Variants in TMEM123 observed in about 807,000 individuals in gnomAD.
The protein encoded by TMEM123 is transmembrane protein 123.
TMEM123 carries 16 observed loss-of-function variants against 19.7 expected under a neutral mutation model. The observed-to-expected ratio is 0.81, with a 90% CI of 0.55 to 1.23. The LOEUF (loss-of-function observed/expected upper bound fraction) is 1.23. TMEM123 is among the 50% of genes most tolerant of loss of function. The pLI is 0.00. For synonymous variants in TMEM123, 118 were observed against 99.4 expected, an observed-to-expected ratio of 1.19 and a Z score of -1.12; for missense variants, 313 against 257.8, an observed-to-expected ratio of 1.21 and a Z score of -1.47.
At chr11:102,406,335 G>A (rs767319477) in intron 2 of TMEM123, among the ~76,000 whole-genome samples, 1 of 152,142 alleles carries the variant, frequency 6.6e-6, no homozygotes, top group African/African-American at 2.4e-5. Context: ...GCCTGGGAAG[G>A]CTTCTAGGGC....
chr11:102,452,549 G>T lies in TMEM123; in HGVS notation c.75C>A (p.Ala25=), dbSNP rs760013198. Residue 25 remains alanine, a synonymous_variant, in exon 1 of 5, where the codon GCC becomes GCA. Transcript: ENST00000398136. ...CCGCCATGGCTGCGCTTTCATGGGC[G>T]GCCCCCAGCAGCGCTAGCACCTGCA... ...GTLQVLALLG[A]AHESAAMAAS... is the part of the protein sequence containing the mutation. 5.4e-5 allele frequency: 85 copies of T among 1,563,434 alleles called. No homozygotes were observed. The highest frequency in any genetic ancestry group is 6.6e-5 in the Non-Finnish European group (76 of 1,158,852).
intron 2 of TMEM123, among the ~76,000 whole-genome samples, chr11:102,427,064 CG>C (rs1952134864): frequency 6.8e-6 from 1 of 147,124 alleles, no homozygotes; most frequent in African/African-American, 2.5e-5. Context: ...TTTTGTTTTG[CG>C]GGTTTTTTTT....
intron 2 of TMEM123, among the ~76,000 whole-genome samples, chr11:102,427,517 C>T (rs534657887): frequency 2.5e-4 from 36 of 141,468 alleles, no homozygotes; most frequent in African/African-American, 9.5e-4. Context: ...GGCACAATCT[C>T]AGCTCACTGC....
At chr11:102,445,320 T>C (rs932017333) in intron 2 of TMEM123, among the ~76,000 whole-genome samples, 1 of 149,938 alleles carries the variant, frequency 6.7e-6, no homozygotes, top group Non-Finnish European at 1.5e-5. Flanking sequence ...AAAACTAGTA[T>C]TGATATCTCT....
intron 2 of TMEM123, among the ~76,000 whole-genome samples, chr11:102,407,213 T>TA (rs1410742778): frequency 5.9e-5 from 9 of 152,258 alleles, no homozygotes; most frequent in Non-Finnish European, 8.8e-5. Flanking sequence ...GCTTTGCCAC[T>TA]GCAAGGCTTC....
intron 1 of TMEM123, among the ~76,000 whole-genome samples, chr11:102,451,579 C>T (rs988793378): frequency 6.6e-6 from 1 of 152,160 alleles, no homozygotes; most frequent in Admixed American, 6.5e-5. Context: ...AACTTAAAAC[C>T]ATGAAAACCT....
intron 2 of TMEM123, among the ~76,000 whole-genome samples, chr11:102,412,843 A>G (rs923574566): frequency 6.6e-6 from 1 of 152,222 alleles, no homozygotes; most frequent in Non-Finnish European, 1.5e-5. Context: ...AGAAATTCAT[A>G]AGGAAATGAC....
chr11:102,442,892 T>C (rs1857842224), intron 2 of TMEM123, among the ~76,000 whole-genome samples: 6 of 152,166 alleles, frequency 3.9e-5, no homozygotes. Flanking sequence ...AGCATTCCTA[T>C]ACACCAATAA....
At chr11:102,422,735 C>T (rs1039811136) in intron 2 of TMEM123, among the ~76,000 whole-genome samples, 3 of 152,124 alleles carry the variant, frequency 2.0e-5, no homozygotes, top group Non-Finnish European at 4.4e-5. Context: ...AATGTATTTG[C>T]TTTTTGCACT....
chr11:102,421,723 G>A (rs1351176148), intron 2 of TMEM123, among the ~76,000 whole-genome samples: 1 of 152,160 alleles, frequency 6.6e-6, no homozygotes, highest in Non-Finnish European at 1.5e-5. Context: ...ATTGTTTAAT[G>A]TTAGTAATGG....
chr11:102,415,090 A>G (rs1290906792), intron 2 of TMEM123, among the ~76,000 whole-genome samples: 1 of 152,250 alleles, frequency 6.6e-6, no homozygotes, highest in Admixed American at 6.5e-5. Context: ...AAAAGGACCA[A>G]GAAGGGCATT....
chr11:102,420,752 T>G (rs1038188864), intron 2 of TMEM123, among the ~76,000 whole-genome samples: 2 of 152,166 alleles, frequency 1.3e-5, no homozygotes, highest in Non-Finnish European at 2.9e-5. Context: ...CTTTAACACA[T>G]TGCTGACTAA....
intron 2 of TMEM123, among the ~76,000 whole-genome samples, chr11:102,436,883 A>T (rs1857768471): frequency 6.6e-6 from 1 of 152,234 alleles, no homozygotes; most frequent in Non-Finnish European, 1.5e-5. Flanking sequence ...TCACACTAGA[A>T]TTTAGACTGA....
chr11:102,439,666 G>A (rs536158128), intron 2 of TMEM123, among the ~76,000 whole-genome samples: 1 of 152,246 alleles, frequency 6.6e-6, no homozygotes, highest in East Asian at 1.9e-4. Context: ...GCAGCTCCTC[G>A]CCAGCAACAG....
intron 2 of TMEM123, among the ~76,000 whole-genome samples, chr11:102,426,858 T>A (rs1485837306): frequency 1.3e-3 from 7 of 5,586 alleles, no homozygotes; most frequent in African/African-American, 3.2e-3. Context: ...TTTAAAGTAG[T>A]TCCCCCCCCC....
chr11:102,402,246 T>C (rs747196074), intron 2 of TMEM123, 40 bp from the exon 3 acceptor site: 2 of 1,590,110 alleles, frequency 1.3e-6, no homozygotes, highest in African/African-American at 1.3e-5. Context: ...AGAGCTATGA[T>C]TTAGGGAATA....
chr11:102,415,275 C>T (rs1284863055), intron 2 of TMEM123, among the ~76,000 whole-genome samples: 1 of 152,168 alleles, frequency 6.6e-6, no homozygotes, highest in Admixed American at 6.5e-5. Context: ...AGACAGATCA[C>T]TGAAGCAGAA....
intron 2 of TMEM123, among the ~76,000 whole-genome samples, chr11:102,438,012 C>G (rs1392604072): frequency 6.6e-6 from 1 of 152,076 alleles, no homozygotes; most frequent in Non-Finnish European, 1.5e-5. Context: ...CCACATCACC[C>G]TCTTTATGCA....
rs968627366 is a variant in TMEM123, at chr11:102,397,967, C to T, written c.*900G>A. 3.3e-5 allele frequency: 5 copies of T among 152,164 alleles called. No homozygotes were observed. The highest frequency in any genetic ancestry group is 6.5e-5 in the Admixed American group (1 of 15,270). The allele number at this position is 152,164 out of a possible 1,614,324, so 9.4% of individuals were successfully genotyped here. A position where few individuals can be genotyped will look rare whatever the true frequency, so the allele number is the denominator to read the frequency against. ...TTTCTAGATATTGAAAGCAGCTCTA[C>T]AGTTCTTAAAATATTCACAAAATAT... On this transcript the variant is annotated 3_prime_UTR_variant, in exon 5 of 5. Coordinates refer to ENST00000398136, the MANE Select transcript of TMEM123 (RefSeq NM_052932.3).
Sources: allele counts gnomAD v4.1 joint callset (sites outside exome capture counted in the v4.1 genomes callset), GRCh38; gene constraint gnomAD v4.1.1; transcripts MANE v1.5; gene names NCBI Gene and HGNC (gene_info 2026-07-23, HGNC 2026-07-21).